ZNF730: variants seen among roughly 807,000 people sequenced by gnomAD.
ZNF730 encodes the protein zinc finger protein 730, also known as putative zinc finger protein 730.
In ZNF730, 12 loss-of-function variants were observed where a neutral mutation model predicts 12.6. The ratio of observed to expected loss-of-function variants is 0.95; its 90% CI spans 0.61 to 1.54. The LOEUF is 1.54. Ranked by LOEUF, ZNF730 falls within the 40% of genes most tolerant of loss-of-function variation. The pLI is 0.00. For synonymous variants in ZNF730, 194 were observed against 195.8 expected (o/e 0.99, Z 0.08); for missense variants, 643 against 583.5 (o/e 1.10, Z -1.05).
intron 1 of ZNF730, among the ~76,000 whole-genome samples, chr19:23,091,040 C>G (rs963889018): frequency 6.6e-6 from 1 of 151,874 alleles, no homozygotes; most frequent in Admixed American, 6.6e-5. Flanking sequence ...GTTTTGTGGC[C>G]CGGGGCCCAG....
At chr19:23,137,342 T>A (rs981023934) in intron 3 of ZNF730, among the ~76,000 whole-genome samples, 1 of 152,208 alleles carries the variant, frequency 6.6e-6, no homozygotes, top group African/African-American at 2.4e-5. Context: ...TTTATTTTAG[T>A]GCTATTGTAA....
intron 1 of ZNF730, among the ~76,000 whole-genome samples, chr19:23,109,776 T>G (rs533267963): frequency 6.6e-6 from 1 of 152,276 alleles, no homozygotes; most frequent in East Asian, 1.9e-4. Context: ...CTTGATATTT[T>G]GACCTTGTGA....
chr19:23,095,841 G>A lies in ZNF730; in HGVS notation c.-94+20454G>A, dbSNP rs903368156. On this transcript the variant is annotated intron_variant, in intron 1 of 2. Transcript: ENST00000593635. ...GACTGTCCTCTTCTGCCTGTGCTTT[G>A]CCTACAGGAGAGAGAGTGACTTATT... 1.7e-4 allele frequency among the ~76,000 whole-genome samples: 26 copies of A among 152,264 alleles called. No individual in the cohort carries two copies. In the East Asian group the frequency reaches 4.5e-3, roughly 26 times the overall value.
chr19:23,090,212 C>G (rs1181657458), intron 1 of ZNF730, among the ~76,000 whole-genome samples: 5 of 151,454 alleles, frequency 3.3e-5, no homozygotes, highest in Non-Finnish European at 5.9e-5. Context: ...TACCACTGTA[C>G]TCTAGCCTGG....
intron 1 of ZNF730, among the ~76,000 whole-genome samples, chr19:23,094,268 T>G (rs1034402259): frequency 1.1e-4 from 17 of 151,850 alleles, no homozygotes; most frequent in African/African-American, 3.9e-4. Context: ...GTTCCTGTTA[T>G]TTTAGATTTT....
At chr19:23,077,587 G>T (rs1969887066) in intron 1 of ZNF730, among the ~76,000 whole-genome samples, 1 of 151,818 alleles carries the variant, frequency 6.6e-6, no homozygotes, top group South Asian at 2.1e-4. Flanking sequence ...ATAGGCATGT[G>T]CCAGCCAACA....
intron 1 of ZNF730, among the ~76,000 whole-genome samples, chr19:23,119,712 G>T (rs1326595838): frequency 2.6e-5 from 4 of 152,152 alleles, no homozygotes; most frequent in Non-Finnish European, 5.9e-5. Context: ...AGCTGCTCGG[G>T]AGGCTGAGGT....
chr19:23,081,323 T>C (rs1004175272), intron 1 of ZNF730, among the ~76,000 whole-genome samples: 1 of 151,888 alleles, frequency 6.6e-6, no homozygotes, highest in Non-Finnish European at 1.5e-5. Context: ...TTTTGTTTTT[T>C]GTTTTTCTTT....
intron 1 of ZNF730, among the ~76,000 whole-genome samples, chr19:23,078,400 G>A (rs909598009): frequency 6.6e-6 from 1 of 152,144 alleles, no homozygotes; most frequent in Non-Finnish European, 1.5e-5. Flanking sequence ...GGTGAGACAT[G>A]CTGGCGGCAC....
chr19:23,134,312 CT>C (rs901740505), intron 2 of ZNF730, 106 bp downstream of exon 2: 37,142 of 817,930 alleles, frequency 0.045, 2 homozygotes, highest in South Asian at 0.07. Flanking sequence ...TTTTCTTTTT[CT>C]TTTTTTTTTT....
intron 1 of ZNF730, among the ~76,000 whole-genome samples, chr19:23,097,755 AC>A (rs1310955899): frequency 6.6e-6 from 1 of 152,050 alleles, no homozygotes; most frequent in Admixed American, 6.6e-5. Flanking sequence ...ATATAGTTTT[AC>A]CCAGCCCCTA....
At chr19:23,086,711 G>C (rs1229636496) in intron 1 of ZNF730, among the ~76,000 whole-genome samples, 1 of 152,068 alleles carries the variant, frequency 6.6e-6, no homozygotes, top group Non-Finnish European at 1.5e-5. Flanking sequence ...TTGAAAGTCG[G>C]GTAGTGTGAT....
intron 1 of ZNF730, among the ~76,000 whole-genome samples, chr19:23,078,068 G>C (rs989323322): frequency 1.4e-4 from 21 of 152,248 alleles, no homozygotes; most frequent in Admixed American, 7.2e-4. Context: ...AGGAAAGCCA[G>C]GTATTGTCCA....
intron 1 of ZNF730, among the ~76,000 whole-genome samples, chr19:23,085,496 CTTT>C (rs58871710): frequency 0.029 from 1,546 of 52,608 alleles, 15 homozygotes; most frequent in East Asian, 0.067. Flanking sequence ...CCATGCCCGT[CTTT>C]TTTTTTTTTT....
At chr19:23,077,121 T>C (rs1300572988) in intron 1 of ZNF730, among the ~76,000 whole-genome samples, 1 of 151,876 alleles carries the variant, frequency 6.6e-6, no homozygotes, top group African/African-American at 2.4e-5. Context: ...CACTTTAAAG[T>C]GAAAGTTGAA....
upstream of ZNF730, among the ~76,000 whole-genome samples, chr19:23,116,055 C>G (rs527722952): frequency 6.6e-6 from 1 of 152,202 alleles, no homozygotes; most frequent in African/African-American, 2.4e-5. Flanking sequence ...GTGATTGGTC[C>G]TTAGTCCCCG....
At chr19:23,077,424 CTTTTTTTTTTTTTTTTTTT>C (rs71163442) in intron 1 of ZNF730, among the ~76,000 whole-genome samples, 1 of 45,552 alleles carries the variant, frequency 2.2e-5, no homozygotes, top group Non-Finnish European at 3.7e-5. Flanking sequence ...TCCCTAAGAG[CTTTTTTTTTTTTTTTTTTT>C]TTTTTTTTTT....
At chr19:23,082,240 G>A (rs571912538) in intron 1 of ZNF730, among the ~76,000 whole-genome samples, 1 of 151,934 alleles carries the variant, frequency 6.6e-6, no homozygotes, top group South Asian at 2.1e-4. Flanking sequence ...TTTTTTCAGA[G>A]TCCTCGTATG....
chr19:23,132,935 G>A (rs1970763497), intron 1 of ZNF730, among the ~76,000 whole-genome samples: 1 of 152,034 alleles, frequency 6.6e-6, no homozygotes, highest in African/African-American at 2.4e-5. Flanking sequence ...GTTAAATTCA[G>A]GCTGTAATTT....
Sources: allele counts gnomAD v4.1 joint callset (sites outside exome capture counted in the v4.1 genomes callset), GRCh38; gene constraint gnomAD v4.1.1; transcripts MANE v1.5; gene names NCBI Gene and HGNC (gene_info 2026-07-23, HGNC 2026-07-21).